IL32: variants seen among roughly 807,000 people sequenced by gnomAD.
IL32 encodes the protein interleukin 32, also known as interleukin-32.
Under a neutral mutation model 16.6 loss-of-function variants are expected in IL32, and 30 were observed. That is an observed-to-expected ratio of 1.81 (90% CI 1.35 to 2.45). The LOEUF (loss-of-function observed/expected upper bound fraction) is 2.45. IL32 is among the 30% of genes most tolerant of loss of function. IL32 has a pLI of 0.00. For synonymous variants in IL32, 70 were observed against 86.1 expected, an observed-to-expected ratio of 0.81 and a Z score of 1.03; for missense variants, 234 against 229.8, an observed-to-expected ratio of 1.02 and a Z score of -0.12.
chr16:3,067,557 C>T lies in IL32; in HGVS notation c.58C>T (p.Gln20Ter). 6.2e-7 allele frequency: 1 copy of T among 1,614,030 alleles called. No homozygotes were observed. Among genetic ancestry groups the T allele is most frequent in the Non-Finnish European group, 8.5e-7 (1 of 1,179,962 alleles). ...DMKKLKARMH[Q>*]AIERFYDKMQ... is the part of the protein sequence containing the mutation. ...CCAACTCTGCCTCTCTTCACAGCAC[C>T]AGGCCATAGAAAGATTTTATGATAA... The change falls in exon 4 of 7, where the codon CAG becomes TAG. Residue 20 changes from glutamine to a stop codon, truncating the protein, a stop_gained. Transcript: ENST00000525643. LOFTEE classifies it high-confidence loss of function.
Position 3,067,537 on chromosome 16 carries a change from T to C in IL32, c.55-17T>C. On this transcript the variant is annotated splice_polypyrimidine_tract_variant and intron_variant, in intron 3 of 6. Transcript: ENST00000525643. ...AAGGATCCGGCCCTTTGGTGCCAACTCTGCCTCTCTTCACAGCACCAGGCC... is the reference window on the plus strand; with the variant it reads ...AAGGATCCGGCCCTTTGGTGCCAACCCTGCCTCTCTTCACAGCACCAGGCC... 1 of 1,614,084 alleles carries C rather than the reference T, an allele frequency of 6.2e-7. No individual in the cohort carries two copies. The highest frequency in any genetic ancestry group is 8.5e-7 in the Non-Finnish European group (1 of 1,179,988).
chr16:3,068,413 C>A, intron 6 of IL32, 174 bp downstream of exon 6: 1 of 629,430 alleles, frequency 1.6e-6, no homozygotes, highest in Non-Finnish European at 2.8e-6. Flanking sequence ...TTAAGTGATT[C>A]TCCTGCCTCA....
At chr16:3,066,520 G>C (rs1382673310) in intron 2 of IL32, among the ~76,000 whole-genome samples, 1 of 152,132 alleles carries the variant, frequency 6.6e-6, no homozygotes, top group Non-Finnish European at 1.5e-5. Context: ...TCTATAGTGG[G>C]GGAAACCAGG....
At chr16:3,066,488 C>A (rs1488581108) in intron 2 of IL32, among the ~76,000 whole-genome samples, 1 of 152,006 alleles carries the variant, frequency 6.6e-6, no homozygotes, top group African/African-American at 2.4e-5. Context: ...GCCCTGCGCA[C>A]TCTGTGGGTG....
At chr16:3,067,174 T>TCC (rs1956434595) in intron 2 of IL32, among the ~76,000 whole-genome samples, 1 of 152,150 alleles carries the variant, frequency 6.6e-6, no homozygotes. Flanking sequence ...AAGCGCTTTC[T>TCC]GAGTCGTTTC....
In IL32 at chr16:3,067,377, G is replaced by C. The variant is rs114354531; in HGVS notation, c.16G>C (p.Val6Leu). ...CTGAGTGTCACCGTTATTTCCGCAG[G>C]TCCTCTCTGATGACATGAAGAAGCT... MCFPKVLSDDMKKLKA... is the reference protein window; with the variant it reads MCFPKLLSDDMKKLKA... Residue 6 changes from valine (V) to leucine (L), a missense_variant and splice_region_variant, in exon 3 of 7, where the codon GTC becomes CTC. Around this residue, in one of 3 missense-constraint regions of IL32, gnomAD observed 137 missense variants for 80.7 expected, o/e 1.70. Coordinates refer to ENST00000525643, the MANE Select transcript of IL32 (RefSeq NM_001376923.1). 6.5e-7 allele frequency: 1 copy of C among 1,538,538 alleles called. No homozygotes were observed. Among genetic ancestry groups the C allele is most frequent in the Non-Finnish European group, 8.8e-7 (1 of 1,142,526 alleles).
chr16:3,067,687 G>A, intron 4 of IL32, 74 bp downstream of exon 4: 2 of 1,184,604 alleles, frequency 1.7e-6, no homozygotes, highest in Admixed American at 1.7e-5. Flanking sequence ...TGGGGCTCAG[G>A]GTGAGAAGGA....
intron 2 of IL32, among the ~76,000 whole-genome samples, chr16:3,066,460 C>A (rs1233397529): frequency 6.6e-6 from 1 of 152,208 alleles, no homozygotes; most frequent in Admixed American, 6.5e-5. Context: ...AGCTGCCCTG[C>A]CCAGAATATG....
chr16:3,068,789 C>T, intron 6 of IL32: 2 of 803,656 alleles, frequency 2.5e-6, no homozygotes, highest in Non-Finnish European at 3.9e-6. Flanking sequence ...ACACACCCAT[C>T]CTGTCACTGC....
intron 6 of IL32, 78 bp downstream of exon 6, chr16:3,068,317 T>C: frequency 7.4e-7 from 1 of 1,352,644 alleles, no homozygotes; most frequent in Non-Finnish European, 1.0e-6. Context: ...TTTCTTTTTG[T>C]TTATTTGAGA....
chr16:3,066,626 G>T (rs957041793), intron 2 of IL32, among the ~76,000 whole-genome samples: 1 of 152,152 alleles, frequency 6.6e-6, no homozygotes, highest in African/African-American at 2.4e-5. Context: ...GTGTCTGCAG[G>T]CAGGAATGGC....
intron 2 of IL32, among the ~76,000 whole-genome samples, chr16:3,066,658 G>A (rs1956342964): frequency 6.6e-6 from 1 of 152,214 alleles, no homozygotes; most frequent in Non-Finnish European, 1.5e-5. Context: ...GGGTCTGCAT[G>A]TTGGCAGTCG....
At chr16:3,065,627 A>G (rs1554999), upstream of IL32, 198 of 716,656 alleles carry the variant, frequency 2.8e-4, no homozygotes, top group East Asian at 4.5e-3. Flanking sequence ...CCAGCTGAGT[A>G]TTTGTGCCAG....
At chr16:3,067,775 G>C in intron 4 of IL32, 162 bp downstream of exon 4, 1 of 812,082 alleles carries the variant, frequency 1.2e-6, no homozygotes, top group Non-Finnish European at 2.0e-6. Flanking sequence ...GTGGGCGGGT[G>C]GGGGATCTGG....
At chr16:3,067,307 GTGTA>G (rs1288500903) in intron 2 of IL32, 66 bp from the exon 3 acceptor site, 2 of 726,746 alleles carry the variant, frequency 2.8e-6, no homozygotes, top group Non-Finnish European at 4.7e-6. Flanking sequence ...GTGTGTGTGT[GTGTA>G]TAAATTATCC....
rs1956813034 is a variant in IL32 at position 3,069,328 on chromosome 16, G to C, written c.540G>C (p.Lys180Asn). The C allele has an allele frequency of 6.2e-7, 1 of 1,608,120 alleles. No homozygotes were observed. Among genetic ancestry groups the C allele is most frequent in the Non-Finnish European group, 8.5e-7 (1 of 1,177,282 alleles). ...ACAAGGAGGAGCTGACACCCCAGAA[G>C]TGCTCTGAACCCCAATCCTCAAAAT... ...RGDKEELTPQ[K>N]CSEPQSSK The change falls in exon 7 of 7, where the codon AAG becomes AAC. Residue 180 changes from lysine (K) to asparagine (N), a missense_variant. This residue lies in a region of IL32 where 53 missense variants were observed against 46.1 expected (regional missense o/e 1.15). Coordinates refer to ENST00000525643, the MANE Select transcript of IL32 (RefSeq NM_001376923.1).
intron 2 of IL32, 114 bp downstream of exon 2, chr16:3,065,940 C>T (rs1956259924): frequency 1.6e-6 from 2 of 1,264,770 alleles, no homozygotes; most frequent in Non-Finnish European, 2.3e-6. Flanking sequence ...GTCAGGGGCA[C>T]CCAGCGGCAG....
At position 3,069,346 on chromosome 16, in the gene IL32, C is replaced by T. The variant is rs547462668; in HGVS notation, c.558C>T (p.Ser186=). 2.5e-6 allele frequency: 4 copies of T among 1,590,712 alleles called. No individual in the cohort carries two copies. The highest frequency in any genetic ancestry group is 3.6e-5 in the Admixed American group (2 of 56,194). The change falls in exon 7 of 7, where the codon TCC becomes TCT. Residue 186 remains serine (S), a synonymous_variant. Transcript: ENST00000525643. ...CCCAGAAGTGCTCTGAACCCCAATC[C>T]TCAAAATGAAGATACTGACACCACC... ...LTPQKCSEPQ[S]SK
chr16:3,068,286 G>A (rs750422165), intron 6 of IL32, 47 bp downstream of exon 6: 2 of 1,468,036 alleles, frequency 1.4e-6, no homozygotes, highest in Admixed American at 1.9e-5. Context: ...CTTCACCTCT[G>A]CCCTGTCTTT....
Sources: allele counts gnomAD v4.1 joint callset (sites outside exome capture counted in the v4.1 genomes callset), GRCh38; gene constraint gnomAD v4.1.1; regional missense constraint gnomAD v4.1.1; transcripts MANE v1.5; gene names NCBI Gene and HGNC (gene_info 2026-07-23, HGNC 2026-07-21).